Variants in GRM7 observed in about 807,000 individuals in gnomAD.
GRM7 encodes glutamate metabotropic receptor 7, also known as metabotropic glutamate receptor 7.
A neutral mutation model predicts 84.5 loss-of-function variants in GRM7; 35 were observed. The ratio of observed to expected loss-of-function variants is 0.41; its 90% CI spans 0.32 to 0.55. The LOEUF (loss-of-function observed/expected upper bound fraction) is 0.55. Among genes scored for constraint, GRM7 ranks in the 20% least tolerant of loss-of-function variants. The pLI is 0.19. For synonymous variants in GRM7, 487 were observed against 455.1 expected (o/e 1.07, Z -0.89); for missense variants, 1,003 against 1,194.6 (o/e 0.84, Z 2.36).
At chr3:6,955,530 C>T (rs1693000715) in intron 1 of GRM7, among the ~76,000 whole-genome samples, 1 of 148,314 alleles carries the variant, frequency 6.7e-6, no homozygotes, top group Admixed American at 6.7e-5. Context: ...GAGCCAGGCT[C>T]CATCAAAAAA....
At chr3:7,337,184 A>T (rs1340301639) in intron 4 of GRM7, among the ~76,000 whole-genome samples, 2 of 152,160 alleles carry the variant, frequency 1.3e-5, no homozygotes, top group African/African-American at 2.4e-5. Context: ...ACCCTATTCA[A>T]CAAATGGTGC....
chr3:6,901,315 G>A (rs62235377), intron 1 of GRM7, among the ~76,000 whole-genome samples: 11,153 of 152,136 alleles, frequency 0.073, 560 homozygotes, highest in Non-Finnish European at 0.11. Context: ...GAAGATTTAT[G>A]TAGGCTGGGC....
intron 7 of GRM7, among the ~76,000 whole-genome samples, chr3:7,539,077 A>G (rs141140238): frequency 8.7e-4 from 133 of 152,234 alleles, no homozygotes; most frequent in African/African-American, 3.0e-3. Flanking sequence ...CTTTCAGATG[A>G]TTGATTCTTA....
intron 5 of GRM7, among the ~76,000 whole-genome samples, chr3:7,420,073 C>G (rs940741714): frequency 6.6e-6 from 1 of 152,100 alleles, no homozygotes; most frequent in African/African-American, 2.4e-5. Flanking sequence ...AGTTTAAGTC[C>G]TCTTTTCAGT....
At chr3:7,386,215 T>A (rs1203699228) in intron 4 of GRM7, among the ~76,000 whole-genome samples, 1 of 152,358 alleles carries the variant, frequency 6.6e-6, no homozygotes, top group South Asian at 2.1e-4. Context: ...TAAAAACTTA[T>A]TAATTATACC....
intron 2 of GRM7, among the ~76,000 whole-genome samples, chr3:7,281,662 A>C (rs1270384076): frequency 1.3e-5 from 2 of 152,312 alleles, no homozygotes; most frequent in Non-Finnish European, 2.9e-5. Context: ...GGTGTTTCCC[A>C]AATGTTCCCT....
intron 1 of GRM7, among the ~76,000 whole-genome samples, chr3:7,131,798 TTA>T (rs1693610609): frequency 6.6e-6 from 1 of 152,158 alleles, no homozygotes; most frequent in South Asian, 2.1e-4. Context: ...TCTGTGTATT[TTA>T]TTAGTCCAGA....
intron 8 of GRM7, among the ~76,000 whole-genome samples, chr3:7,605,223 A>G (rs1165702636): frequency 6.6e-6 from 1 of 152,144 alleles, no homozygotes; most frequent in African/African-American, 2.4e-5. Context: ...AGAGTCACAG[A>G]AAAACAAAAG....
chr3:7,259,313 A>G, intron 2 of GRM7, among the ~76,000 whole-genome samples: 1 of 152,158 alleles, frequency 6.6e-6, no homozygotes, highest in East Asian at 1.9e-4. Flanking sequence ...TTTGGGATAC[A>G]TGTGTAAGTT....
At chr3:7,688,967 T>C (rs968675431) in intron 9 of GRM7, among the ~76,000 whole-genome samples, 2 of 152,202 alleles carry the variant, frequency 1.3e-5, no homozygotes, top group Non-Finnish European at 2.9e-5. Flanking sequence ...AATCAATACT[T>C]TCTGCATCCT....
chr3:7,087,524 G>A (rs1698502580), intron 1 of GRM7, among the ~76,000 whole-genome samples: 1 of 152,000 alleles, frequency 6.6e-6, no homozygotes, highest in African/African-American at 2.4e-5. Context: ...GGACTTGAGA[G>A]GCAGCTGAAG....
intron 2 of GRM7, among the ~76,000 whole-genome samples, chr3:7,208,341 CA>C (rs1301751331): frequency 1.3e-5 from 2 of 152,126 alleles, no homozygotes; most frequent in Non-Finnish European, 2.9e-5. Flanking sequence ...GAGTTCAGTG[CA>C]GTGGGCTTGG....
intron 4 of GRM7, among the ~76,000 whole-genome samples, chr3:7,362,472 A>G (rs2125106583): frequency 1.3e-5 from 2 of 152,124 alleles, no homozygotes; most frequent in South Asian, 4.2e-4. Context: ...GTAAATTTTT[A>G]AAGATACATT....
intron 4 of GRM7, among the ~76,000 whole-genome samples, chr3:7,313,296 G>C (rs1225639581): frequency 6.6e-6 from 1 of 152,058 alleles, no homozygotes; most frequent in Non-Finnish European, 1.5e-5. Flanking sequence ...CATCTTCACA[G>C]AAAGGAAATA....
intron 1 of GRM7, among the ~76,000 whole-genome samples, chr3:7,102,448 A>T (rs1230846774): frequency 6.6e-6 from 1 of 151,638 alleles, no homozygotes; most frequent in Non-Finnish European, 1.5e-5. Flanking sequence ...GGCTGCTTCC[A>T]AGGTTTTCTC....
intron 4 of GRM7, among the ~76,000 whole-genome samples, chr3:7,329,333 T>G (rs1575174520): frequency 6.6e-6 from 1 of 152,190 alleles, no homozygotes; most frequent in Non-Finnish European, 1.5e-5. Flanking sequence ...CAACCGTGCC[T>G]CGCCATAAAT....
chr3:7,661,794 C>CAAAAAAAAAAAAAAAAAAAAAAAA lies in GRM7; in HGVS notation c.2452-18252_2452-18229dup, dbSNP rs71043686. On this transcript the variant is annotated intron_variant, in intron 8 of 9. Coordinates refer to ENST00000357716, the MANE Select transcript of GRM7 (RefSeq NM_000844.4). ...GGGCCACAGAGCGAGGTCTCCGTCT[C>CAAAAAAAAAAAAAAAAAAAAAAAA]AAAAAAAAAAAAAAAAAAAAAAAAA... is the stretch of plus-strand genomic sequence containing the variant. 7.1e-4 allele frequency among the ~76,000 whole-genome samples: 20 copies of CAAAAAAAAAAAAAAAAAAAAAAAA among 28,196 alleles called. 2 individuals are homozygous for CAAAAAAAAAAAAAAAAAAAAAAAA. The highest frequency in any genetic ancestry group is 9.9e-4 in the Non-Finnish European group (17 of 17,184). 18.5% of individuals were successfully genotyped at this position (28,196 alleles called of 152,430 possible). A position where few individuals can be genotyped will look rare whatever the true frequency, so the allele number is the denominator to read the frequency against.
intron 1 of GRM7, among the ~76,000 whole-genome samples, chr3:6,864,474 A>G (rs533426410): frequency 6.6e-6 from 1 of 152,312 alleles, no homozygotes; most frequent in African/African-American, 2.4e-5. Flanking sequence ...ATACACACCC[A>G]TTGTTCAAAG....
chr3:7,320,141 A>G (rs540329205), intron 4 of GRM7, among the ~76,000 whole-genome samples: 1 of 152,038 alleles, frequency 6.6e-6, no homozygotes, highest in East Asian at 1.9e-4. Flanking sequence ...ATGGAAATGT[A>G]CAGTACCTGT....
Sources: gnomAD v4.1 joint callset for allele counts (sites outside exome capture counted in the v4.1 genomes callset) on GRCh38, gnomAD v4.1.1 for gene constraint, MANE v1.5 for transcripts, NCBI Gene and HGNC (gene_info 2026-07-23, HGNC 2026-07-21) for gene names.